CACNA1A: variants seen among roughly 807,000 people sequenced by gnomAD.
CACNA1A encodes the protein voltage-dependent P/Q-type calcium channel subunit alpha-1A.
In CACNA1A, 57 loss-of-function variants were observed where a neutral mutation model predicts 262.4. The ratio of observed to expected loss-of-function variants is 0.22; its 90% CI spans 0.18 to 0.27. CACNA1A has a LOEUF of 0.27. Ranked by LOEUF, CACNA1A falls within the 10% of genes least tolerant of loss-of-function variation. The pLI, the probability that CACNA1A is intolerant of heterozygous loss-of-function variation, is 1.00. For synonymous variants in CACNA1A, 1,431 were observed against 1,419.3 expected (o/e 1.01, Z -0.18); for missense variants, 2,526 against 3,562.8 (o/e 0.71, Z 7.41).
At chr19:13,373,812 G>A (rs576061542) in intron 3 of CACNA1A, among the ~76,000 whole-genome samples, 55 of 152,326 alleles carry the variant, frequency 3.6e-4, no homozygotes, top group African/African-American at 1.1e-3. Flanking sequence ...ACAAGTGGGC[G>A]TCTGAGCGTA....
At chr19:13,256,779 C>T (rs1254972547) in intron 28 of CACNA1A, 1 of 152,328 alleles carries the variant, frequency 6.6e-6, no homozygotes, top group African/African-American at 2.4e-5. Context: ...GTGTGAGCCA[C>T]CACACCTGGC....
At chr19:13,230,279 G>A (rs2055617560) in intron 35 of CACNA1A, 70 bp from the exon 36 acceptor site, 4 of 1,551,878 alleles carry the variant, frequency 2.6e-6, no homozygotes, top group African/African-American at 1.4e-5. Flanking sequence ...GAGTGAGAAG[G>A]ATACAGACAG....
chr19:13,464,840 GC>G (rs2061202252), intron 1 of CACNA1A, among the ~76,000 whole-genome samples: 1 of 152,004 alleles, frequency 6.6e-6, no homozygotes, highest in African/African-American at 2.4e-5. Context: ...GAGCCACTGC[GC>G]CCGGCCAACT....
At chr19:13,428,300 A>G (rs1278732236) in intron 3 of CACNA1A, among the ~76,000 whole-genome samples, 3 of 152,244 alleles carry the variant, frequency 2.0e-5, no homozygotes, top group Non-Finnish European at 4.4e-5. Flanking sequence ...AGTAAATGCT[A>G]GTTGTTATTC....
chr19:13,377,052 C>G (rs1002905692), intron 3 of CACNA1A, among the ~76,000 whole-genome samples: 1 of 151,746 alleles, frequency 6.6e-6, no homozygotes, highest in Non-Finnish European at 1.5e-5. Context: ...CTCTGACTCC[C>G]AGGTTCAAGC....
In CACNA1A at chr19:13,234,913, C is replaced by T. The variant is rs747305291; in HGVS notation, c.5249+8G>A. On this transcript the variant is annotated splice_region_variant and intron_variant, in intron 34 of 46. Coordinates refer to ENST00000360228, the MANE Select transcript of CACNA1A (RefSeq NM_001127222.2). ...AAACAGAATTATCAGAGCAGGTCCC[C>T]TTCTCACCGGAAGAGAAGCATGAGG... 3.1e-6 allele frequency: 5 copies of T among 1,595,702 alleles called. No homozygotes were observed. In the African/African-American group the frequency reaches 5.4e-5, roughly 17 times the overall value.
At chr19:13,234,303 T>C (rs561854686) in intron 34 of CACNA1A, among the ~76,000 whole-genome samples, 3 of 123,630 alleles carry the variant, frequency 2.4e-5, no homozygotes, top group Admixed American at 1.1e-4. Context: ...TGAGCCGAGA[T>C]CGCGCCACTG....
At chr19:13,245,539 GAGCTGTGGCCTGTCTCTCC>G (rs1377048557) in intron 30 of CACNA1A, 1 of 479,286 alleles carries the variant, frequency 2.1e-6, no homozygotes, top group Admixed American at 3.4e-5. Context: ...CTGCTCTTCA[GAGCTGTGGCCTGTCTCTCC>G]AGCATTTTTG....
chr19:13,283,585 GACC>G, intron 21 of CACNA1A, 189 bp from the exon 22 acceptor site: 1 of 621,448 alleles, frequency 1.6e-6, no homozygotes, highest in Non-Finnish European at 2.7e-6. Context: ...AGGCAGAGGG[GACC>G]TCGGTGAGAG....
intron 6 of CACNA1A, among the ~76,000 whole-genome samples, chr19:13,343,277 C>A (rs1365402762): frequency 2.0e-5 from 3 of 151,964 alleles, no homozygotes; most frequent in Non-Finnish European, 4.4e-5. Flanking sequence ...CCCGCCACCA[C>A]ACCTAGCTAA....
At chr19:13,337,678 A>C (rs1019198154) in intron 6 of CACNA1A, among the ~76,000 whole-genome samples, 10 of 146,510 alleles carry the variant, frequency 6.8e-5, no homozygotes, top group Non-Finnish European at 1.2e-4. Flanking sequence ...CTACTTGAAA[A>C]ATTGGTTGAG....
intron 6 of CACNA1A, among the ~76,000 whole-genome samples, chr19:13,342,007 C>G (rs1363372077): frequency 6.6e-6 from 1 of 152,158 alleles, no homozygotes; most frequent in East Asian, 1.9e-4. Flanking sequence ...AGATCGTCAA[C>G]CCCAAGCCAA....
At chr19:13,218,714 G>C (rs2055110749) in intron 38 of CACNA1A, among the ~76,000 whole-genome samples, 1 of 152,138 alleles carries the variant, frequency 6.6e-6, no homozygotes, top group African/African-American at 2.4e-5. Context: ...GAGTAGCTGG[G>C]ACTACAGGTG....
At chr19:13,398,223 T>C (rs1182511029) in intron 3 of CACNA1A, among the ~76,000 whole-genome samples, 1 of 151,456 alleles carries the variant, frequency 6.6e-6, no homozygotes, top group South Asian at 2.1e-4. Context: ...GACTGGGCCA[T>C]TGCACTCATG....
intron 19 of CACNA1A, among the ~76,000 whole-genome samples, chr19:13,292,405 G>A (rs2057562218): frequency 6.6e-6 from 1 of 152,126 alleles, no homozygotes; most frequent in South Asian, 2.1e-4. Flanking sequence ...TTGAACCCAG[G>A]AGTTGGAGAC....
chr19:13,503,665 C>A (rs1409621856), intron 1 of CACNA1A, among the ~76,000 whole-genome samples: 1 of 145,426 alleles, frequency 6.9e-6, no homozygotes, highest in African/African-American at 2.5e-5. Flanking sequence ...CCGCTCCATC[C>A]AGGACAGAGA....
At chr19:13,372,286 A>T (rs1258416442) in intron 3 of CACNA1A, among the ~76,000 whole-genome samples, 1 of 152,086 alleles carries the variant, frequency 6.6e-6, no homozygotes, top group African/African-American at 2.4e-5. Flanking sequence ...CTCCTGCCTC[A>T]GCCTCCCGAG....
chr19:13,336,466 T>C lies in CACNA1A; in HGVS notation c.979-557A>G, dbSNP rs72995593. Among the ~76,000 whole-genome samples, 768 of 150,942 alleles carry C rather than the reference T, an allele frequency of 5.1e-3. 5 individuals carry two copies. Among genetic ancestry groups the C allele is most frequent in the Non-Finnish European group, 7.4e-3 (502 of 67,824 alleles). On this transcript the variant is annotated intron_variant, in intron 6 of 46. Coordinates refer to ENST00000360228, the MANE Select transcript of CACNA1A (RefSeq NM_001127222.2). The stretch of plus-strand genomic sequence containing the variant: ...AGCTCAATTTTCAAGAGGAAAAAAG[T>C]CCACAAATAGAATACTCTCTGAAAC...
chr19:13,488,959 G>GA (rs1568698206), intron 1 of CACNA1A, among the ~76,000 whole-genome samples: 1 of 149,508 alleles, frequency 6.7e-6, no homozygotes, highest in African/African-American at 2.5e-5. Flanking sequence ...TGTGGCCAGT[G>GA]AAACTCAGGG....
Sources: gnomAD v4.1 joint callset for allele counts (sites outside exome capture counted in the v4.1 genomes callset) on GRCh38, gnomAD v4.1.1 for gene constraint, MANE v1.5 for transcripts, NCBI Gene and HGNC (gene_info 2026-07-23, HGNC 2026-07-21) for gene names.